Variants in SEPTIN3 observed in about 807,000 individuals in gnomAD.
The protein encoded by SEPTIN3 is neuronal-specific septin-3.
A neutral mutation model predicts 45.1 loss-of-function variants in SEPTIN3; 15 were observed. The observed-to-expected ratio is 0.33, with a 90% CI of 0.22 to 0.51. The LOEUF is 0.51. SEPTIN3 is among the 20% of genes least tolerant of loss of function. The pLI is 0.97. For missense variants in SEPTIN3, 289 were observed against 457.2 expected, an observed-to-expected ratio of 0.63 and a Z score of 3.35; for synonymous variants, 148 against 164.8, an observed-to-expected ratio of 0.90 and a Z score of 0.78.
At chr22:41,996,646 A>G in intron 11 of SEPTIN3, 1 of 1,296,910 alleles carries the variant, frequency 7.7e-7, no homozygotes, top group Non-Finnish European at 9.8e-7. Context: ...ACAGAACAGC[A>G]GCAGCGCTAC....
rs564032070 is a variant in SEPTIN3, at chr22:41,973,840, GTGT to G, written c.1504+845_1504+847del. On this transcript the variant is annotated intron_variant, in intron 2 of 11. Coordinates refer to ENST00000644076, the MANE Select transcript of SEPTIN3 (RefSeq NM_001363845.2). ...TACTAAAAATACAAAAGTTAGCCAG[GTGT>G]GGTGGCACATGCCTGTAGTCCCAGC... Among the ~76,000 whole-genome samples, 801 of 149,994 alleles carry G rather than the reference GTGT, an allele frequency of 5.3e-3. 3 individuals carry two copies. The highest frequency in any genetic ancestry group is 0.019 in the African/African-American group (756 of 40,716).
chr22:41,997,181 C>G lies in SEPTIN3; in HGVS notation c.*214C>G, dbSNP rs2078457047. ...CCAGTGGAGTGGGGTTCTGCCAGTA[C>G]AGCCCTACTGCATCATCTGCGTCAG... On this transcript the variant is annotated 3_prime_UTR_variant, in exon 12 of 12. Coordinates refer to ENST00000644076, the MANE Select transcript of SEPTIN3 (RefSeq NM_001363845.2). 1.2e-6 allele frequency: 1 copy of G among 854,280 alleles called. No individual in the cohort carries two copies. Among genetic ancestry groups the G allele is most frequent in the South Asian group, 1.8e-5 (1 of 56,156 alleles). The allele number at this position is 854,280 out of a possible 1,614,324, so 52.9% of individuals were successfully genotyped here. A position where few individuals can be genotyped will look rare whatever the true frequency, so the allele number is the denominator to read the frequency against.
At chr22:41,995,353 G>GCCTACAAATGGAGCTCCAC (rs1569441891) in intron 11 of SEPTIN3, 1 of 988,112 alleles carries the variant, frequency 1.0e-6, no homozygotes, top group Non-Finnish European at 1.2e-6. Flanking sequence ...AAGCATCAGT[G>GCCTACAAATGGAGCTCCAC]CCTACAAATG....
At position 41,989,498 on chromosome 22, in the gene SEPTIN3, G is replaced by A; in HGVS notation, c.2046-69G>A. 4 of 975,072 alleles carry A rather than the reference G, an allele frequency of 4.1e-6. No homozygotes were observed. In the South Asian group the frequency reaches 5.3e-5, roughly 13 times the overall value. 60.4% of individuals were successfully genotyped at this position (975,072 alleles called of 1,614,324 possible). A position where few individuals can be genotyped will look rare whatever the true frequency, so the allele number is the denominator to read the frequency against. The stretch of plus-strand genomic sequence containing the variant: ...GTCCTCTTCTCCTGTGGGTGTCCTG[G>A]AGTGGTGGTGGTGGCTGAGTTGGGG... On this transcript the variant is annotated intron_variant, in intron 6 of 11. Transcript: ENST00000644076.
In SEPTIN3 at chr22:41,974,746, G is replaced by A. The variant is rs369173832; in HGVS notation, c.1504+1750G>A. Among the ~76,000 whole-genome samples, 4 of 151,098 alleles carry A rather than the reference G, an allele frequency of 2.6e-5. No homozygotes were observed. In the East Asian group the frequency reaches 5.8e-4, roughly 22 times the overall value. On this transcript the variant is annotated intron_variant, in intron 2 of 11. Coordinates refer to ENST00000644076, the MANE Select transcript of SEPTIN3 (RefSeq NM_001363845.2). Reference sequence around the variant, plus strand: ...CTAAAAAATACAAAAAATTAGCCAGGTGTGTAGGCTGAGACAGAGAATTGC... The same window carrying A: ...CTAAAAAATACAAAAAATTAGCCAGATGTGTAGGCTGAGACAGAGAATTGC...
chr22:41,973,503 CAA>C (rs144943770), intron 2 of SEPTIN3, among the ~76,000 whole-genome samples: 50,286 of 121,418 alleles, frequency 0.41, 10,643 homozygotes, highest in East Asian at 0.81. Flanking sequence ...ACTAAAAGTA[CAA>C]AAAAAAAAAA....
chr22:41,988,127 C>A (rs1365606963), intron 6 of SEPTIN3, among the ~76,000 whole-genome samples: 1 of 151,904 alleles, frequency 6.6e-6, no homozygotes, highest in Non-Finnish European at 1.5e-5. Flanking sequence ...TCGGAGGGAG[C>A]AGCAAGAAGG....
chr22:41,996,769 G>A (rs1276896527), intron 11 of SEPTIN3, 133 bp from the exon 12 acceptor site: 15 of 1,524,674 alleles, frequency 9.8e-6, no homozygotes, highest in East Asian at 6.8e-5. Flanking sequence ...GGAGGTGGGC[G>A]TTGGAAAGGC....
intron 6 of SEPTIN3, 118 bp downstream of exon 6, chr22:41,987,877 C>T: frequency 9.5e-7 from 1 of 1,055,104 alleles, no homozygotes; most frequent in East Asian, 2.5e-5. Flanking sequence ...AGTCCTAGCC[C>T]TTCCAGCCAG....
At chr22:41,991,690 C>T (rs1181609097) in intron 8 of SEPTIN3, 22 bp downstream of exon 8, 2 of 1,475,746 alleles carry the variant, frequency 1.4e-6, no homozygotes, top group African/African-American at 2.8e-5. Flanking sequence ...GGGCACTGCT[C>T]CTCCACTGAT....
intron 4 of SEPTIN3, among the ~76,000 whole-genome samples, chr22:41,986,984 A>C (rs1485268932): frequency 6.6e-6 from 1 of 152,174 alleles, no homozygotes; most frequent in Non-Finnish European, 1.5e-5. Flanking sequence ...TCTTAAAAAA[A>C]ATAAAAGAAG....
Position 41,996,997 on chromosome 22 carries a change from A to G in SEPTIN3, c.*30A>G. ...CATTTCAAGCGCTGCTTCTCACTCC[A>G]TTCCTCTCAGCTGTTATTGCTGCAG... is the stretch of plus-strand genomic sequence containing the variant. On this transcript the variant is annotated 3_prime_UTR_variant, in exon 12 of 12. Transcript: ENST00000644076. 1.2e-6 allele frequency: 2 copies of G among 1,613,624 alleles called. No individual in the cohort carries two copies. The highest frequency in any genetic ancestry group is 8.5e-7 in the Non-Finnish European group (1 of 1,179,798).
chr22:41,980,278 C>T (rs757294003), intron 2 of SEPTIN3, among the ~76,000 whole-genome samples: 17 of 151,952 alleles, frequency 1.1e-4, no homozygotes, highest in Admixed American at 3.3e-4. Context: ...GCTAGGATTA[C>T]AGGCGCCTGC....
At chr22:41,986,291 A>G (rs2078206346) in intron 4 of SEPTIN3, among the ~76,000 whole-genome samples, 179 bp downstream of exon 4, 1 of 152,188 alleles carries the variant, frequency 6.6e-6, no homozygotes, top group African/African-American at 2.4e-5. Flanking sequence ...AAGAGAGAGC[A>G]GGGAGCTCGA....
intron 4 of SEPTIN3, 23 bp downstream of exon 4, chr22:41,986,135 T>C: frequency 6.2e-7 from 1 of 1,610,054 alleles, no homozygotes; most frequent in East Asian, 2.2e-5. Context: ...CAGGGACCCC[T>C]ATGGGCTTTG....
intron 4 of SEPTIN3, among the ~76,000 whole-genome samples, chr22:41,986,847 A>G (rs890477838): frequency 1.3e-5 from 2 of 152,044 alleles, no homozygotes. Flanking sequence ...ATGATGGTGC[A>G]TATCTGTAGT....
At chr22:41,974,062 T>C (rs2077987870) in intron 2 of SEPTIN3, among the ~76,000 whole-genome samples, 2 of 149,974 alleles carry the variant, frequency 1.3e-5, no homozygotes, top group Non-Finnish European at 1.5e-5. Context: ...CTGGGGAGGC[T>C]GAGGTGGGAG....
intron 3 of SEPTIN3, among the ~76,000 whole-genome samples, chr22:41,982,391 G>C (rs908679750): frequency 3.9e-5 from 6 of 151,984 alleles, no homozygotes; most frequent in East Asian, 1.9e-4. Flanking sequence ...GCCTGTAATC[G>C]CAGCTACTCG....
intron 8 of SEPTIN3, among the ~76,000 whole-genome samples, chr22:41,991,991 C>T (rs1025644169): frequency 6.6e-6 from 1 of 152,144 alleles, no homozygotes; most frequent in Admixed American, 6.5e-5. Flanking sequence ...CCAGGAGGAT[C>T]TATGCTGTGG....
Sources: allele counts gnomAD v4.1 joint callset (sites outside exome capture counted in the v4.1 genomes callset), GRCh38; gene constraint gnomAD v4.1.1; transcripts MANE v1.5; gene names NCBI Gene and HGNC (gene_info 2026-07-23, HGNC 2026-07-21).